Variants in TMC1 observed in about 807,000 individuals in gnomAD.
TMC1 encodes transmembrane channel like 1, also known as transmembrane channel-like protein 1.
TMC1 carries 84 observed loss-of-function variants against 105.8 expected under a neutral mutation model. The ratio of observed to expected loss-of-function variants is 0.79; its 90% CI spans 0.67 to 0.95. The LOEUF (loss-of-function observed/expected upper bound fraction) is 0.95. Among genes scored for constraint, TMC1 ranks in the 40% least tolerant of loss-of-function variants. The pLI, the probability that TMC1 is intolerant of heterozygous loss-of-function variation, is 0.00. For synonymous variants in TMC1, 315 were observed against 311.5 expected (o/e 1.01, Z -0.12); for missense variants, 817 against 914.1 (o/e 0.89, Z 1.37).
At chr9:72,602,151 A>ATG (rs1380911356) in intron 2 of TMC1, among the ~76,000 whole-genome samples, 1 of 152,142 alleles carries the variant, frequency 6.6e-6, no homozygotes, top group Non-Finnish European at 1.5e-5. Flanking sequence ...TTTGGATTAA[A>ATG]TGTGCTTAGC....
intron 5 of TMC1, among the ~76,000 whole-genome samples, chr9:72,667,531 G>A (rs933386627): frequency 6.6e-6 from 1 of 152,116 alleles, no homozygotes; most frequent in Non-Finnish European, 1.5e-5. Context: ...ACTACCAAAT[G>A]TAGTTGGATA....
rs1825132858 is a variant in TMC1 at position 72,616,482 on chromosome 9, G to A, written c.-196+5G>A. On this transcript the variant is annotated splice_donor_5th_base_variant and intron_variant, in intron 3 of 23. Coordinates refer to ENST00000297784, the MANE Select transcript of TMC1 (RefSeq NM_138691.3). ...AAATGGGGAAATCTAAAATGAGTAA[G>A]TATACACAGAAACACACATTACATA... 6.6e-6 allele frequency: 1 copy of A among 151,724 alleles called. No individual in the cohort carries two copies. The highest frequency in any genetic ancestry group is 1.5e-5 in the Non-Finnish European group (1 of 67,982). 9.4% of individuals were successfully genotyped at this position (151,724 alleles called of 1,614,324 possible).
chr9:72,639,508 T>C (rs1825589453), intron 4 of TMC1, among the ~76,000 whole-genome samples: 1 of 152,106 alleles, frequency 6.6e-6, no homozygotes, highest in South Asian at 2.1e-4. Flanking sequence ...AAAAGGAAAA[T>C]TATATTTGAC....
Position 72,543,412 on chromosome 9 carries a change from T to G in TMC1, c.-428+21499T>G, listed in dbSNP as rs145690823. On this transcript the variant is annotated intron_variant, in intron 1 of 23. Transcript: ENST00000297784. ...CCCTTATAGATTATTGGAATAACCT[T>G]CTTATTGGTCTTCATATTTTCACTC... Among the ~76,000 whole-genome samples the G allele has an allele frequency of 1.7e-4, 26 of 152,300 alleles. No homozygotes were observed. In the East Asian group the frequency reaches 4.8e-3, roughly 28 times the overall value.
At chr9:72,708,149 C>T (rs1796988) in intron 8 of TMC1, among the ~76,000 whole-genome samples, 34,684 of 152,038 alleles carry the variant, frequency 0.23, 4,289 homozygotes, top group East Asian at 0.39. Context: ...CAGTAGCCTG[C>T]TGTTTTGGTG....
At chr9:72,701,102 TG>T (rs1245333133) in intron 8 of TMC1, among the ~76,000 whole-genome samples, 1 of 152,168 alleles carries the variant, frequency 6.6e-6, no homozygotes, top group Non-Finnish European at 1.5e-5. Context: ...TTTACAAGTT[TG>T]TGTGGATTGT....
At chr9:72,627,684 GA>G (rs11299462) in intron 3 of TMC1, among the ~76,000 whole-genome samples, 15,213 of 152,108 alleles carry the variant, frequency 0.1, 941 homozygotes, top group African/African-American at 0.16. Flanking sequence ...TGTACACACA[GA>G]CAGAAACGCA....
At chr9:72,831,864 T>C (rs1233836729) in intron 23 of TMC1, among the ~76,000 whole-genome samples, 5 of 151,980 alleles carry the variant, frequency 3.3e-5, no homozygotes, top group African/African-American at 1.2e-4. Flanking sequence ...TGGTTCCAAG[T>C]CTTTGCTATT....
At chr9:72,670,695 C>T (rs1053649687) in intron 5 of TMC1, among the ~76,000 whole-genome samples, 2 of 151,984 alleles carry the variant, frequency 1.3e-5, no homozygotes, top group African/African-American at 4.8e-5. Context: ...CAAATCACGA[C>T]ACAGAAGAAA....
At chr9:72,622,247 G>A (rs1330576540) in intron 3 of TMC1, among the ~76,000 whole-genome samples, 4 of 152,108 alleles carry the variant, frequency 2.6e-5, no homozygotes, top group South Asian at 2.1e-4. Flanking sequence ...TGGCCCACCC[G>A]CAGCACCAAG....
chr9:72,676,344 C>T (rs1011771888), intron 5 of TMC1, among the ~76,000 whole-genome samples: 3 of 152,106 alleles, frequency 2.0e-5, no homozygotes, highest in African/African-American at 7.2e-5. Flanking sequence ...TTTTCCTTAT[C>T]TTCCTAAAAG....
At chr9:72,610,715 C>T (rs1324881733) in intron 2 of TMC1, among the ~76,000 whole-genome samples, 1 of 152,206 alleles carries the variant, frequency 6.6e-6, no homozygotes, top group African/African-American at 2.4e-5. Context: ...TGTCTGGGCA[C>T]CCTGTTACCC....
chr9:72,599,174 G>A (rs1404339219), intron 2 of TMC1, among the ~76,000 whole-genome samples: 1 of 152,120 alleles, frequency 6.6e-6, no homozygotes, highest in Non-Finnish European at 1.5e-5. Context: ...GGGATTACAG[G>A]CGTGTGCCAG....
intron 4 of TMC1, among the ~76,000 whole-genome samples, chr9:72,641,605 A>G (rs1825628880): frequency 6.6e-6 from 1 of 152,174 alleles, no homozygotes; most frequent in African/African-American, 2.4e-5. Context: ...CAGTCAATGA[A>G]GCACAGGATC....
Position 72,795,505 on chromosome 9 carries a change from GAA to G in TMC1, c.1566+3160_1566+3161del, listed in dbSNP as rs537245180. Among the ~76,000 whole-genome samples the G allele has an allele frequency of 2.6e-5, 4 of 151,804 alleles. No homozygotes were observed. In the South Asian group the frequency reaches 8.3e-4, roughly 32 times the overall value. On this transcript the variant is annotated intron_variant, in intron 17 of 23. Transcript: ENST00000297784. ...GGGTCCTATATTCAACATTCTTAAA[GAA>G]AAAAAATCTTCAACCAAGAATTTCA...
chr9:72,589,284 G>A (rs555861191), intron 2 of TMC1, among the ~76,000 whole-genome samples: 8 of 152,246 alleles, frequency 5.3e-5, no homozygotes, highest in African/African-American at 1.2e-4. Flanking sequence ...CTCATGAAAC[G>A]TTTTGATCCA....
chr9:72,792,451 A>G, intron 17 of TMC1, 99 bp downstream of exon 17: 1 of 1,379,488 alleles, frequency 7.2e-7, no homozygotes, highest in East Asian at 2.3e-5. Flanking sequence ...GCTTATTAGT[A>G]AAAATAGCTA....
rs138969596 is a variant in TMC1 at position 72,556,822 on chromosome 9, GAAACAAAC to G, written c.-427-21060_-427-21053del. ...GGAGATAGAGCGAGACTCTGTCTTG[GAAACAAAC>G]AAACAAACAAACAAACAAAAAAATT... On this transcript the variant is annotated intron_variant, in intron 1 of 23. Coordinates refer to ENST00000297784, the MANE Select transcript of TMC1 (RefSeq NM_138691.3). Among the ~76,000 whole-genome samples, 695 of 151,414 alleles carry G rather than the reference GAAACAAAC, an allele frequency of 4.6e-3. 2 individuals are homozygous for G. Among genetic ancestry groups the G allele is most frequent in the Non-Finnish European group, 7.1e-3 (482 of 67,810 alleles).
At chr9:72,545,739 C>T (rs751225881) in intron 1 of TMC1, among the ~76,000 whole-genome samples, 5 of 152,090 alleles carry the variant, frequency 3.3e-5, no homozygotes, top group Non-Finnish European at 5.9e-5. Flanking sequence ...CTGGCTCCCT[C>T]GAACTCCCAG....
Sources: gnomAD v4.1 joint callset for allele counts (sites outside exome capture counted in the v4.1 genomes callset) on GRCh38, gnomAD v4.1.1 for gene constraint, MANE v1.5 for transcripts, NCBI Gene and HGNC (gene_info 2026-07-23, HGNC 2026-07-21) for gene names.